METTL24: variants seen among roughly 807,000 people sequenced by gnomAD.
The protein encoded by METTL24 is methyltransferase like 24, also known as probable methyltransferase-like protein 24.
METTL24 carries 29 observed loss-of-function variants against 32.7 expected under a neutral mutation model. The observed-to-expected ratio is 0.89, with a 90% CI of 0.66 to 1.21. The LOEUF is 1.21. METTL24 is among the 50% of genes most tolerant of loss of function. The pLI, the probability that METTL24 is intolerant of heterozygous loss-of-function variation, is 0.00. For synonymous variants in METTL24, 163 were observed against 179.5 expected (o/e 0.91, Z 0.73); for missense variants, 439 against 468.1 (o/e 0.94, Z 0.57).
At chr6:110,257,096 C>T (rs1484034363) in intron 4 of METTL24, among the ~76,000 whole-genome samples, 1 of 152,168 alleles carries the variant, frequency 6.6e-6, no homozygotes, top group African/African-American at 2.4e-5. Context: ...GATGACTTAA[C>T]ATAAATTCTG....
chr6:110,352,665 T>G (rs1772629987), intron 1 of METTL24, among the ~76,000 whole-genome samples: 1 of 151,900 alleles, frequency 6.6e-6, no homozygotes, highest in African/African-American at 2.4e-5. Context: ...ACCCAAGTGG[T>G]GTTTTTAAAA....
chr6:110,328,483 G>A (rs1477531296), intron 1 of METTL24, among the ~76,000 whole-genome samples: 5 of 152,188 alleles, frequency 3.3e-5, no homozygotes. Context: ...AGGGTAAAAA[G>A]TGATCACTGA....
At chr6:110,336,246 T>C (rs1277116143) in intron 1 of METTL24, among the ~76,000 whole-genome samples, 1 of 152,088 alleles carries the variant, frequency 6.6e-6, no homozygotes, top group Non-Finnish European at 1.5e-5. Context: ...CCAGCCCGAG[T>C]CCCTGAATGA....
chr6:110,351,064 C>T (rs562274618), intron 1 of METTL24, among the ~76,000 whole-genome samples: 82 of 152,098 alleles, frequency 5.4e-4, no homozygotes, highest in Admixed American at 1.4e-3. Context: ...GCCGAGATCG[C>T]GCCACTGCAC....
intron 1 of METTL24, among the ~76,000 whole-genome samples, chr6:110,336,645 CAGA>C: frequency 6.7e-6 from 1 of 149,312 alleles, no homozygotes; most frequent in South Asian, 2.1e-4. Flanking sequence ...GAGGCTGAGG[CAGA>C]AGAATGGGTG....
intron 4 of METTL24, among the ~76,000 whole-genome samples, chr6:110,295,382 T>C (rs1771394690): frequency 6.6e-6 from 1 of 152,128 alleles, no homozygotes. Flanking sequence ...CTGGTAGTCC[T>C]GTGAGGGTTC....
At chr6:110,294,750 G>A (rs1342281104) in intron 4 of METTL24, among the ~76,000 whole-genome samples, 1 of 152,008 alleles carries the variant, frequency 6.6e-6, no homozygotes, top group Non-Finnish European at 1.5e-5. Flanking sequence ...AGGAGAGCTA[G>A]CATGGCAGAA....
intron 4 of METTL24, among the ~76,000 whole-genome samples, chr6:110,284,008 T>C (rs1347006817): frequency 6.6e-6 from 1 of 152,202 alleles, no homozygotes; most frequent in African/African-American, 2.4e-5. Flanking sequence ...ACTAACCTAA[T>C]ACAATGGAAC....
chr6:110,305,919 A>G (rs1030725424), intron 3 of METTL24, among the ~76,000 whole-genome samples: 2 of 152,230 alleles, frequency 1.3e-5, no homozygotes, highest in Admixed American at 6.5e-5. Context: ...AAGACTTGGA[A>G]CCAACCCAAA....
At chr6:110,285,318 A>C (rs1018125861) in intron 4 of METTL24, among the ~76,000 whole-genome samples, 1 of 152,192 alleles carries the variant, frequency 6.6e-6, no homozygotes, top group African/African-American at 2.4e-5. Flanking sequence ...TGTTTTTTAA[A>C]AGGTGCTTAT....
chr6:110,288,473 G>T (rs765170440), intron 4 of METTL24, among the ~76,000 whole-genome samples: 2 of 152,064 alleles, frequency 1.3e-5, no homozygotes, highest in Non-Finnish European at 2.9e-5. Flanking sequence ...TTTTAAAAAT[G>T]TAACAAACAA....
chr6:110,344,861 C>T (rs1215200864), intron 1 of METTL24, among the ~76,000 whole-genome samples: 1 of 152,180 alleles, frequency 6.6e-6, no homozygotes, highest in Non-Finnish European at 1.5e-5. Context: ...ATCCTGGACA[C>T]AGGAACGAGC....
chr6:110,296,668 A>T (rs1438478072), intron 4 of METTL24, among the ~76,000 whole-genome samples: 1 of 152,232 alleles, frequency 6.6e-6, no homozygotes, highest in African/African-American at 2.4e-5. Flanking sequence ...GAATAGGGAA[A>T]TTACTACAAA....
chr6:110,305,794 A>T (rs1160419780), intron 3 of METTL24, among the ~76,000 whole-genome samples: 1 of 152,150 alleles, frequency 6.6e-6, no homozygotes. Context: ...TAGAACTAGA[A>T]ATACCATTTG....
intron 4 of METTL24, among the ~76,000 whole-genome samples, chr6:110,269,437 C>A (rs116156750): frequency 0.031 from 4,691 of 152,118 alleles, 265 homozygotes; most frequent in African/African-American, 0.11. Flanking sequence ...TTCAGCATTC[C>A]ACTGATGACT....
In METTL24 at chr6:110,244,970, TTATC is replaced by T. The variant is rs34442447; in HGVS notation, c.*972_*975del. On this transcript the variant is annotated 3_prime_UTR_variant, in exon 5 of 5. Coordinates refer to ENST00000338882, the MANE Select transcript of METTL24 (RefSeq NM_001123364.3). ...AAACATGCCAGTAGGAAAATCTATC[TTATC>T]TATCTATCTATCTATCTATCTATCT... Among the ~76,000 whole-genome samples, 85 of 150,084 alleles carry T rather than the reference TTATC, an allele frequency of 5.7e-4. 1 individual carries two copies. The highest frequency in any genetic ancestry group is 3.4e-3 in the Middle Eastern group (1 of 292).
At chr6:110,283,998 A>G (rs1041917448) in intron 4 of METTL24, among the ~76,000 whole-genome samples, 1 of 152,222 alleles carries the variant, frequency 6.6e-6, no homozygotes, top group South Asian at 2.1e-4. Flanking sequence ...TTACTTTTGT[A>G]CTAACCTAAT....
chr6:110,344,936 TACTTAA>T (rs1216837840), intron 1 of METTL24, among the ~76,000 whole-genome samples: 23 of 152,184 alleles, frequency 1.5e-4, no homozygotes, highest in African/African-American at 4.6e-4. Context: ...AAATGGGATC[TACTTAA>T]ACTTAAGAGC....
rs548901838 is a variant in METTL24 at position 110,350,616 on chromosome 6, G to A, written c.318+7339C>T. On this transcript the variant is annotated intron_variant, in intron 1 of 4. Transcript: ENST00000338882. The stretch of plus-strand genomic sequence containing the variant: ...TCATGGGCTAAATACTGATACTTAC[G>A]TTCTCTACTAAATGTCCTCGAAATG... 4.6e-5 allele frequency among the ~76,000 whole-genome samples: 7 copies of A among 151,658 alleles called. 1 individual carries two copies. In the South Asian group the frequency reaches 1.0e-3, roughly 23 times the overall value.
Sources: allele counts gnomAD v4.1 joint callset (sites outside exome capture counted in the v4.1 genomes callset), GRCh38; gene constraint gnomAD v4.1.1; transcripts MANE v1.5; gene names NCBI Gene and HGNC (gene_info 2026-07-23, HGNC 2026-07-21).